The following RFX7 variants were observed in gnomAD, a reference collection of about 807,000 sequenced individuals.
RFX7 encodes regulatory factor X7.
Under a neutral mutation model 111.8 loss-of-function variants are expected in RFX7, and 26 were observed. The observed-to-expected ratio is 0.23, with a 90% CI of 0.17 to 0.32. The LOEUF (loss-of-function observed/expected upper bound fraction) is 0.32. RFX7 is among the 10% of genes least tolerant of loss of function. The probability of loss-of-function intolerance (pLI) is 1.00; values close to 1 mark genes in which losing one functional copy is unlikely to be tolerated. For missense variants in RFX7, 1,573 were observed against 1,772.9 expected (o/e 0.89, Z 2.02); for synonymous variants, 624 against 624.4 (o/e 1.00, Z 0.01).
chr15:56,146,244 C>T (rs539527208), intron 3 of RFX7, among the ~76,000 whole-genome samples: 8 of 152,170 alleles, frequency 5.3e-5, no homozygotes, highest in Admixed American at 1.3e-4. Context: ...GCCAGAGGTG[C>T]GTGCCACCAC....
intron 3 of RFX7, among the ~76,000 whole-genome samples, chr15:56,167,373 C>G (rs2042795695): frequency 6.6e-6 from 1 of 152,040 alleles, no homozygotes; most frequent in Admixed American, 6.6e-5. Context: ...TCCGATAGAC[C>G]AACGTAACTG....
At chr15:56,132,064 T>C (rs377378713) in intron 5 of RFX7, among the ~76,000 whole-genome samples, 39 of 152,016 alleles carry the variant, frequency 2.6e-4, no homozygotes, top group Middle Eastern at 3.4e-3. Context: ...GTGAACTTAA[T>C]TGAGGGAAAA....
At chr15:56,098,035 A>G in intron 9 of RFX7, 46 bp downstream of exon 9, 1 of 1,563,536 alleles carries the variant, frequency 6.4e-7, no homozygotes, top group Non-Finnish European at 8.7e-7. Context: ...TAAACAGTTG[A>G]TTTCCCACCA....
chr15:56,102,059 G>C, intron 7 of RFX7, 110 bp downstream of exon 7: 1 of 726,778 alleles, frequency 1.4e-6, no homozygotes, highest in Non-Finnish European at 2.2e-6. Flanking sequence ...TTTCTTATTT[G>C]TAAAAGGCAC....
intron 2 of RFX7, among the ~76,000 whole-genome samples, chr15:56,237,822 G>A (rs558380376): frequency 6.6e-6 from 1 of 152,278 alleles, no homozygotes; most frequent in Non-Finnish European, 1.5e-5. Flanking sequence ...AATCATAGGA[G>A]AGCAAGGAAC....
At chr15:56,214,702 G>C (rs1220807929) in intron 2 of RFX7, among the ~76,000 whole-genome samples, 1 of 135,758 alleles carries the variant, frequency 7.4e-6, no homozygotes, top group Admixed American at 7.7e-5. Flanking sequence ...GCAAAAGAGC[G>C]AGACTCTGTC....
chr15:56,235,232 G>C (rs548234713), intron 2 of RFX7, among the ~76,000 whole-genome samples: 1 of 151,620 alleles, frequency 6.6e-6, no homozygotes, highest in Non-Finnish European at 1.5e-5. Context: ...GGAGTGCAGT[G>C]GCGTGATCTT....
chr15:56,132,193 A>G (rs563864784), intron 5 of RFX7, among the ~76,000 whole-genome samples: 42 of 152,226 alleles, frequency 2.8e-4, no homozygotes, highest in African/African-American at 9.4e-4. Context: ...ATCCCCTTAG[A>G]GTTTCCTTTT....
intron 5 of RFX7, among the ~76,000 whole-genome samples, chr15:56,120,070 T>C (rs1213159761): frequency 6.6e-6 from 1 of 152,188 alleles, no homozygotes; most frequent in Admixed American, 6.5e-5. Flanking sequence ...TGATAGACAC[T>C]TCATTCAATC....
At chr15:56,156,081 C>T (rs951322225) in intron 3 of RFX7, among the ~76,000 whole-genome samples, 4 of 152,042 alleles carry the variant, frequency 2.6e-5, no homozygotes, top group African/African-American at 7.3e-5. Context: ...TTGGGCCGTA[C>T]GTAGCATTTA....
chr15:56,150,832 T>G (rs7181720), intron 3 of RFX7, among the ~76,000 whole-genome samples: 69 of 152,238 alleles, frequency 4.5e-4, no homozygotes, highest in African/African-American at 1.6e-3. Flanking sequence ...AAAGGTTAGT[T>G]GAATTGCTAA....
Position 56,094,856 on chromosome 15 carries a change from G to T in RFX7, c.2872C>A (p.Pro958Thr). The T allele has an allele frequency of 6.4e-7, 1 of 1,555,172 alleles. No homozygotes were observed. Among genetic ancestry groups the T allele is most frequent in the Non-Finnish European group, 8.7e-7 (1 of 1,149,768 alleles). The change falls in exon 10 of 10, where the codon CCA becomes ACA. Residue 958 changes from proline (P) to threonine (T), a missense_variant. Pro to Thr is a conservative substitution (Grantham distance 38, BLOSUM62 -1). This residue lies in a region of RFX7 where 625 missense variants were observed against 632.2 expected (regional missense o/e 0.99). Transcript: ENST00000559447. ...PTPTPTPTPT[P>T]TPTPTPTSEM... Reference sequence around the variant, plus strand: ...GATGTCGGGGTTGGGGTTGGGGTTGGAGTAGGAGTGGGTGTGGGTGTGGGT... The same window carrying T: ...GATGTCGGGGTTGGGGTTGGGGTTGTAGTAGGAGTGGGTGTGGGTGTGGGT...
At chr15:56,113,851 A>G (rs1448927197) in intron 5 of RFX7, among the ~76,000 whole-genome samples, 3 of 152,196 alleles carry the variant, frequency 2.0e-5, no homozygotes, top group Non-Finnish European at 4.4e-5. Context: ...TATAAATGAC[A>G]ATAAAGGATA....
chr15:56,143,832 C>A (rs936728277), intron 4 of RFX7, among the ~76,000 whole-genome samples: 1 of 151,966 alleles, frequency 6.6e-6, no homozygotes, highest in South Asian at 2.1e-4. Context: ...GAGATGAATT[C>A]TGAGAAATAC....
chr15:56,232,054 C>A (rs921502873), intron 2 of RFX7, among the ~76,000 whole-genome samples: 1 of 152,190 alleles, frequency 6.6e-6, no homozygotes, highest in Non-Finnish European at 1.5e-5. Context: ...CCTCTCTTGG[C>A]GGCTTTTATG....
At chr15:56,120,132 A>T (rs1020727051) in intron 5 of RFX7, among the ~76,000 whole-genome samples, 7 of 152,226 alleles carry the variant, frequency 4.6e-5, no homozygotes, top group African/African-American at 1.7e-4. Context: ...CTTTGAATCC[A>T]TGAACATGGA....
At chr15:56,202,076 C>A (rs1277109782) in intron 2 of RFX7, among the ~76,000 whole-genome samples, 4 of 151,940 alleles carry the variant, frequency 2.6e-5, no homozygotes, top group African/African-American at 7.3e-5. Context: ...CACAGCCACA[C>A]AGAAAAACTG....
At chr15:56,216,797 C>T (rs11632619) in intron 2 of RFX7, among the ~76,000 whole-genome samples, 19,833 of 152,110 alleles carry the variant, frequency 0.13, 1,696 homozygotes, top group East Asian at 0.44. Flanking sequence ...TTTTCTACAT[C>T]TTCTAATTTT....
chr15:56,167,196 T>C (rs2042793333), intron 3 of RFX7, among the ~76,000 whole-genome samples: 1 of 152,044 alleles, frequency 6.6e-6, no homozygotes, highest in Non-Finnish European at 1.5e-5. Flanking sequence ...TAGTCCCAGC[T>C]TCTCAGGAGG....
Sources: allele counts gnomAD v4.1 joint callset (sites outside exome capture counted in the v4.1 genomes callset), GRCh38; gene constraint gnomAD v4.1.1; regional missense constraint gnomAD v4.1.1; transcripts MANE v1.5; gene names NCBI Gene and HGNC (gene_info 2026-07-23, HGNC 2026-07-21).